Variants in ANKHD1 observed in about 807,000 individuals in gnomAD.
ANKHD1 encodes the protein ankyrin repeat and KH domain-containing protein 1.
ANKHD1 carries 31 observed loss-of-function variants against 230.5 expected under a neutral mutation model. That is an observed-to-expected ratio of 0.13 (90% CI 0.10 to 0.18). ANKHD1 has a LOEUF of 0.18. ANKHD1 is among the 10% of genes least tolerant of loss of function. The pLI, the probability that ANKHD1 is intolerant of heterozygous loss-of-function variation, is 1.00. For synonymous variants in ANKHD1, 1,074 were observed against 1,117.6 expected, an observed-to-expected ratio of 0.96 and a Z score of 0.78; for missense variants, 2,256 against 3,071.3, an observed-to-expected ratio of 0.73 and a Z score of 6.27.
intron 24 of ANKHD1, among the ~76,000 whole-genome samples, chr5:140,516,244 C>T (rs372824293): frequency 6.6e-6 from 1 of 151,772 alleles, no homozygotes; most frequent in Non-Finnish European, 1.5e-5. Flanking sequence ...GAAGTTTAGA[C>T]AAAAAAGAAT....
At chr5:140,435,859 A>G (rs551778608) in intron 1 of ANKHD1, among the ~76,000 whole-genome samples, 1 of 152,230 alleles carries the variant, frequency 6.6e-6, no homozygotes, top group African/African-American at 2.4e-5. Flanking sequence ...CATGCTCTGT[A>G]TTAGTCACAG....
intron 10 of ANKHD1, 119 bp from the exon 11 acceptor site, chr5:140,482,461 G>A: frequency 9.1e-7 from 1 of 1,097,618 alleles, no homozygotes; most frequent in South Asian, 1.7e-5. Flanking sequence ...GTGGTATAAA[G>A]TGTCTACAAT....
intron 22 of ANKHD1, among the ~76,000 whole-genome samples, chr5:140,510,574 G>A (rs1259980555): frequency 1.3e-5 from 2 of 151,596 alleles, no homozygotes; most frequent in African/African-American, 2.4e-5. Flanking sequence ...GCCTCCCAAA[G>A]TGCTAGGATT....
Position 140,496,937 on chromosome 5 carries a change from T to C in ANKHD1, c.2663T>C (p.Leu888Pro). 6.2e-7 allele frequency: 1 copy of C among 1,614,184 alleles called. No homozygotes were observed. Residue 888 changes from leucine to proline, a missense_variant, in exon 15 of 34, where the codon CTC (leucine) becomes CCC (proline). Transcript: ENST00000360839. ...CCAGAAGGGGAAGGAGATGGTAGTC[T>C]CCCAGAGGATCACTTTTCAGAGTTA... ...VFPEGEGDGS[L>P]PEDHFSELPQ...
At chr5:140,510,306 ATTCT>A in intron 22 of ANKHD1, 125 bp downstream of exon 22, 3 of 864,544 alleles carry the variant, frequency 3.5e-6, no homozygotes, top group African/African-American at 2.0e-5. Flanking sequence ...CTATCTTTCC[ATTCT>A]TTTTTTTTTT....
Position 140,428,874 on chromosome 5 carries a change from C to T in ANKHD1, c.307-7230C>T, listed in dbSNP as rs528657839. Among the ~76,000 whole-genome samples, 46 of 151,724 alleles carry T rather than the reference C, an allele frequency of 3.0e-4. 1 individual carries two copies. The highest frequency in any genetic ancestry group is 5.9e-4 in the Non-Finnish European group (40 of 68,022). On this transcript the variant is annotated intron_variant, in intron 1 of 33. Coordinates refer to ENST00000360839, the MANE Select transcript of ANKHD1 (RefSeq NM_017747.3). ...CTTGGCTCACTGCAACCTCTGCTGC[C>T]TGGGTTCAAGCGATTCTCGTGTGTC...
In ANKHD1 at chr5:140,436,131, G is replaced by A. The variant is rs764198990; in HGVS notation, c.334G>A (p.Asp112Asn). The A allele has an allele frequency of 3.8e-6, 6 of 1,577,214 alleles. No individual in the cohort carries two copies. The highest frequency in any genetic ancestry group is 2.7e-5 in the African/African-American group (2 of 72,818). The change falls in exon 2 of 34, where the codon GAT (aspartate) becomes AAT (asparagine). Residue 112 changes from aspartate (D) to asparagine (N), a missense_variant. By Grantham distance (23) the Asp-to-Asn change is conservative. Coordinates refer to ENST00000360839, the MANE Select transcript of ANKHD1 (RefSeq NM_017747.3). Reference protein sequence around the residue: ...EVESFILDQEDLDNPVLKTTS... With the variant: ...EVESFILDQENLDNPVLKTTS... ...TGAATCATTTATTTTGGACCAAGAA[G>A]ATCTGGATAACCCAGTGCTTAAAAC...
intron 8 of ANKHD1, 139 bp downstream of exon 8, chr5:140,459,001 T>TATATAG (rs1775497737): frequency 1.7e-5 from 1 of 60,160 alleles, no homozygotes; most frequent in Non-Finnish European, 3.0e-5. Context: ...TATATGCATA[T>TATATAG]ATATATATAT....
chr5:140,508,041 T>C (rs758833024), intron 20 of ANKHD1, 43 bp downstream of exon 20: 2 of 1,576,420 alleles, frequency 1.3e-6, no homozygotes, highest in Admixed American at 3.8e-5. Context: ...TACATTTCTG[T>C]AGAAAGAACA....
intron 1 of ANKHD1, among the ~76,000 whole-genome samples, chr5:140,426,448 G>A (rs749756438): frequency 1.3e-5 from 2 of 152,070 alleles, no homozygotes; most frequent in South Asian, 2.1e-4. Flanking sequence ...TATTTTTGAA[G>A]GTTGGTGAGG....
intron 10 of ANKHD1, among the ~76,000 whole-genome samples, chr5:140,471,343 A>G (rs1190745542): frequency 6.6e-6 from 1 of 152,076 alleles, no homozygotes; most frequent in East Asian, 1.9e-4. Context: ...TTTTGTAGGA[A>G]CTTCTTGATA....
intron 6 of ANKHD1, among the ~76,000 whole-genome samples, chr5:140,447,351 C>T (rs925133192): frequency 6.6e-6 from 1 of 152,110 alleles, no homozygotes; most frequent in African/African-American, 2.4e-5. Flanking sequence ...TACAGACTCA[C>T]ACCACCATAC....
At chr5:140,488,789 A>G (rs1419463272) in intron 14 of ANKHD1, among the ~76,000 whole-genome samples, 1 of 151,940 alleles carries the variant, frequency 6.6e-6, no homozygotes, top group Non-Finnish European at 1.5e-5. Flanking sequence ...AATTCCAGCT[A>G]CTAGGGAAGC....
intron 10 of ANKHD1, among the ~76,000 whole-genome samples, chr5:140,467,183 A>G (rs113587419): frequency 2.6e-5 from 4 of 152,110 alleles, no homozygotes; most frequent in African/African-American, 9.6e-5. Context: ...TATTCCATCA[A>G]GTTGATGAAC....
In ANKHD1 at chr5:140,519,042, G is replaced by C. The variant is rs573070552; in HGVS notation, c.4318-5024G>C. On this transcript the variant is annotated intron_variant, in intron 24 of 33. Transcript: ENST00000360839. ...GATTGTATATCTAGAAAACCCCATT[G>C]TCTCAGCCCAAAATCTCCTTAAGCT... 9.3e-3 allele frequency among the ~76,000 whole-genome samples: 1,417 copies of C among 152,254 alleles called. 7 individuals are homozygous for C. The highest frequency in any genetic ancestry group is 0.014 in the Non-Finnish European group (981 of 68,018).
At chr5:140,503,765 C>G (rs1752422545) in intron 15 of ANKHD1, among the ~76,000 whole-genome samples, 1 of 151,322 alleles carries the variant, frequency 6.6e-6, no homozygotes, top group South Asian at 2.1e-4. Flanking sequence ...CGGGGTTTTG[C>G]CATGGTAGCC....
intron 1 of ANKHD1, among the ~76,000 whole-genome samples, chr5:140,428,622 C>T (rs1040719581): frequency 1.9e-4 from 29 of 152,038 alleles, no homozygotes; most frequent in Non-Finnish European, 3.4e-4. Context: ...AGAGGGAGAC[C>T]GTGGAAAGAG....
intron 20 of ANKHD1, among the ~76,000 whole-genome samples, chr5:140,508,678 C>T (rs935565012): frequency 1.3e-5 from 2 of 152,016 alleles, no homozygotes; most frequent in African/African-American, 4.8e-5. Context: ...ATCACCGGAA[C>T]TTGGGAGGTG....
Position 140,485,292 on chromosome 5 carries a change from C to G in ANKHD1, c.1998+44C>G. 1 of 1,579,548 alleles carries G rather than the reference C, an allele frequency of 6.3e-7. No individual in the cohort carries two copies. The highest frequency in any genetic ancestry group is 8.6e-7 in the Non-Finnish European group (1 of 1,158,006). ...AGTAAACAGGCTGTGTGCGGTGGCT[C>G]ATGTCTATGATCCCAGCACTTTAGA... On this transcript the variant is annotated intron_variant, in intron 12 of 33. Coordinates refer to ENST00000360839, the MANE Select transcript of ANKHD1 (RefSeq NM_017747.3). The surrounding 1 kb of genome is among the most constrained non-coding windows in gnomAD (Gnocchi z 4.8).
Sources: allele counts gnomAD v4.1 joint callset (sites outside exome capture counted in the v4.1 genomes callset), GRCh38; gene constraint gnomAD v4.1.1; non-coding constraint Gnocchi (gnomAD v3.1); transcripts MANE v1.5; gene names NCBI Gene and HGNC (gene_info 2026-07-23, HGNC 2026-07-21).